PTPRQ: variants seen among roughly 807,000 people sequenced by gnomAD.
PTPRQ encodes protein tyrosine phosphatase receptor type Q.
A neutral mutation model predicts 246.0 loss-of-function variants in PTPRQ; 199 were observed. The ratio of observed to expected loss-of-function variants is 0.81; its 90% CI spans 0.72 to 0.91. The LOEUF (loss-of-function observed/expected upper bound fraction) is 0.91. Ranked by LOEUF, PTPRQ falls within the 40% of genes least tolerant of loss-of-function variation. PTPRQ has a pLI of 0.00. For missense variants in PTPRQ, 2,624 were observed against 2,528.4 expected, an observed-to-expected ratio of 1.04 and a Z score of -0.81; for synonymous variants, 869 against 853.2, an observed-to-expected ratio of 1.02 and a Z score of -0.32.
intron 10 of PTPRQ, among the ~76,000 whole-genome samples, chr12:80,494,551 T>C (rs1176468131): frequency 3.3e-5 from 5 of 151,988 alleles, no homozygotes; most frequent in Admixed American, 3.3e-4. Context: ...ATTTATAATA[T>C]TTCATTTATA....
At chr12:80,671,479 T>C (rs1900968790) in intron 42 of PTPRQ, among the ~76,000 whole-genome samples, 1 of 152,246 alleles carries the variant, frequency 6.6e-6, no homozygotes, top group East Asian at 1.9e-4. Context: ...GAAAAGTACT[T>C]TCTCCTTTTT....
At chr12:80,455,486 C>G (rs1892948370) in intron 3 of PTPRQ, among the ~76,000 whole-genome samples, 1 of 152,056 alleles carries the variant, frequency 6.6e-6, no homozygotes, top group Admixed American at 6.6e-5. Context: ...TCTAAAGTGC[C>G]ACTTTTGCTA....
At chr12:80,450,328 G>A (rs1239861686) in intron 3 of PTPRQ, among the ~76,000 whole-genome samples, 2 of 152,140 alleles carry the variant, frequency 1.3e-5, no homozygotes, top group African/African-American at 4.8e-5. Flanking sequence ...TTCAAACAGG[G>A]ACAATTTGAC....
At chr12:80,569,777 C>T (rs1468645830) in intron 25 of PTPRQ, among the ~76,000 whole-genome samples, 1 of 151,348 alleles carries the variant, frequency 6.6e-6, no homozygotes, top group Non-Finnish European at 1.5e-5. Context: ...TGATATTCCC[C>T]TCCTTGTGTC....
At chr12:80,595,124 G>C (rs1025523897) in intron 26 of PTPRQ, among the ~76,000 whole-genome samples, 2 of 151,660 alleles carry the variant, frequency 1.3e-5, no homozygotes, top group African/African-American at 2.4e-5. Context: ...CTTTGTTTTC[G>C]CTATGTTTTT....
chr12:80,574,611 T>C (rs1195803299), intron 25 of PTPRQ, among the ~76,000 whole-genome samples: 2 of 152,204 alleles, frequency 1.3e-5, no homozygotes, highest in East Asian at 3.8e-4. Context: ...CTCAAGGGAC[T>C]GCAATATGAA....
At chr12:80,566,663 C>T (rs1419016855) in intron 25 of PTPRQ, among the ~76,000 whole-genome samples, 7 of 151,860 alleles carry the variant, frequency 4.6e-5, no homozygotes, top group African/African-American at 1.5e-4. Context: ...CCTCAGTCTC[C>T]CGAGTAGCTG....
At chr12:80,539,976 T>G (rs1565773823) in intron 20 of PTPRQ, 32 bp downstream of exon 20, 1 of 1,408,804 alleles carries the variant, frequency 7.1e-7, no homozygotes, top group African/African-American at 1.5e-5. Context: ...ATCTTTAATA[T>G]GATTAATTTA....
At chr12:80,564,225 T>C (rs1329484071) in intron 25 of PTPRQ, among the ~76,000 whole-genome samples, 1 of 152,174 alleles carries the variant, frequency 6.6e-6, no homozygotes, top group Non-Finnish European at 1.5e-5. Flanking sequence ...AGCAGATTTT[T>C]ATGGGGGCTT....
intron 19 of PTPRQ, among the ~76,000 whole-genome samples, 153 bp from the exon 20 acceptor site, chr12:80,539,623 G>T (rs1360096632): frequency 4.0e-5 from 6 of 151,622 alleles, no homozygotes; most frequent in African/African-American, 1.5e-4. Flanking sequence ...CAGTTTAATT[G>T]TTGCAATAAA....
At chr12:80,627,005 T>G (rs899497378) in intron 33 of PTPRQ, among the ~76,000 whole-genome samples, 2 of 152,146 alleles carry the variant, frequency 1.3e-5, no homozygotes, top group Admixed American at 6.6e-5. Context: ...CCTGTCTGTA[T>G]GGATGAAAAT....
At chr12:80,552,064 C>T (rs1258197035) in intron 25 of PTPRQ, among the ~76,000 whole-genome samples, 1 of 152,100 alleles carries the variant, frequency 6.6e-6, no homozygotes, top group African/African-American at 2.4e-5. Flanking sequence ...CTTGCTGACT[C>T]ATAGCCTCAA....
At chr12:80,612,339 T>C (rs1293532460) in intron 28 of PTPRQ, among the ~76,000 whole-genome samples, 1 of 150,374 alleles carries the variant, frequency 6.7e-6, no homozygotes, top group Non-Finnish European at 1.5e-5. Flanking sequence ...ATTAGAAAAT[T>C]GGCAGAAGAC....
intron 25 of PTPRQ, among the ~76,000 whole-genome samples, chr12:80,582,732 C>A (rs1489299763): frequency 1.3e-5 from 2 of 152,010 alleles, no homozygotes; most frequent in East Asian, 3.9e-4. Flanking sequence ...GACAGTCACT[C>A]TAGATATATT....
At chr12:80,540,006 AT>A (rs1288664423) in intron 20 of PTPRQ, 62 bp downstream of exon 20, 1 of 1,307,560 alleles carries the variant, frequency 7.6e-7, no homozygotes, top group Non-Finnish European at 1.0e-6. Context: ...ATTTTAGGAA[AT>A]TTTACTATTT....
At chr12:80,519,399 TG>T (rs552841069) in intron 17 of PTPRQ, among the ~76,000 whole-genome samples, 69 of 152,208 alleles carry the variant, frequency 4.5e-4, no homozygotes, top group African/African-American at 1.5e-3. Context: ...TCAAGAATAG[TG>T]CTATTAACTT....
intron 25 of PTPRQ, among the ~76,000 whole-genome samples, chr12:80,577,909 T>G (rs1897317370): frequency 1.3e-5 from 2 of 152,250 alleles, no homozygotes; most frequent in Non-Finnish European, 2.9e-5. Flanking sequence ...ACTCCAAAAT[T>G]TCTCTGGATT....
chr12:80,620,190 C>T lies in PTPRQ; in HGVS notation c.5426C>T (p.Ala1809Val), dbSNP rs1003368274. 6.5e-7 allele frequency: 1 copy of T among 1,548,356 alleles called. No homozygotes were observed. The highest frequency in any genetic ancestry group is 1.2e-5 in the South Asian group (1 of 83,888). Residue 1809 changes from alanine (A) to valine (V), a missense_variant, in exon 32 of 45, where the codon GCA (alanine) becomes GTA (valine). Physicochemically the swap from Ala to Val is moderately conservative, Grantham distance 64. Transcript: ENST00000644991. ...HDGNVTKWYD[A>V]YFNKARPYFT... Reference sequence around the variant, plus strand: ...GGAAATGTAACAAAGTGGTATGATGCATATTTTAATAAAGCAAGGCCATAT... The same window carrying T: ...GGAAATGTAACAAAGTGGTATGATGTATATTTTAATAAAGCAAGGCCATAT...
chr12:80,480,373 AGT>A (rs1206931164), intron 8 of PTPRQ, among the ~76,000 whole-genome samples: 1 of 152,134 alleles, frequency 6.6e-6, no homozygotes, highest in Non-Finnish European at 1.5e-5. Flanking sequence ...CATTCAAAGC[AGT>A]GTGTAGAGGG....
Sources: gnomAD v4.1 joint callset for allele counts (sites outside exome capture counted in the v4.1 genomes callset) on GRCh38, gnomAD v4.1.1 for gene constraint, MANE v1.5 for transcripts, NCBI Gene and HGNC (gene_info 2026-07-23, HGNC 2026-07-21) for gene names.